The following ROR1 variants were observed in gnomAD, a reference collection of about 807,000 sequenced individuals.
ROR1 encodes inactive tyrosine-protein kinase transmembrane receptor ROR1.
In ROR1, 19 loss-of-function variants were observed where a neutral mutation model predicts 78.8. That is an observed-to-expected ratio of 0.24 (90% CI 0.17 to 0.35). The LOEUF is 0.35. Ranked by LOEUF, ROR1 falls within the 10% of genes least tolerant of loss-of-function variation. The probability of loss-of-function intolerance (pLI) is 1.00; values close to 1 mark genes in which losing one functional copy is unlikely to be tolerated. For missense variants in ROR1, 917 were observed against 1,177.8 expected (o/e 0.78, Z 3.24); for synonymous variants, 386 against 433.6 (o/e 0.89, Z 1.36).
chr1:63,915,162 A>G (rs1645599587), intron 1 of ROR1, among the ~76,000 whole-genome samples: 1 of 152,222 alleles, frequency 6.6e-6, no homozygotes, highest in Non-Finnish European at 1.5e-5. Flanking sequence ...CCATGGTCAC[A>G]TTAAATAGTA....
intron 1 of ROR1, among the ~76,000 whole-genome samples, chr1:63,829,414 C>T (rs1006766335): frequency 2.7e-4 from 41 of 152,178 alleles, no homozygotes; most frequent in Admixed American, 7.2e-4. Context: ...GAATGTGCAG[C>T]GTGCTATGGG....
chr1:63,959,110 A>G (rs1646006890), intron 1 of ROR1, among the ~76,000 whole-genome samples: 1 of 152,214 alleles, frequency 6.6e-6, no homozygotes, highest in African/African-American at 2.4e-5. Flanking sequence ...GAAACTTACA[A>G]TCATGACTGA....
chr1:63,826,278 G>T (rs553572139), intron 1 of ROR1, among the ~76,000 whole-genome samples: 3 of 152,022 alleles, frequency 2.0e-5, no homozygotes, highest in South Asian at 2.1e-4. Context: ...CTAGTGTGTT[G>T]TTCCCCTCTA....
In ROR1 at chr1:64,044,524, G is replaced by A. The variant is rs142227054; in HGVS notation, c.164-5167G>A. Reference sequence around the variant, plus strand: ...TGCACTTAAGAATATCTTCCATGGAGCAGTAAAAATTATTAATTGTATTAA... The same window carrying A: ...TGCACTTAAGAATATCTTCCATGGAACAGTAAAAATTATTAATTGTATTAA... On this transcript the variant is annotated intron_variant, in intron 2 of 8. Coordinates refer to ENST00000371079, the MANE Select transcript of ROR1 (RefSeq NM_005012.4). 5.5e-3 allele frequency among the ~76,000 whole-genome samples: 841 copies of A among 152,204 alleles called. 5 individuals are homozygous for A. The highest frequency in any genetic ancestry group is 0.02 in the African/African-American group (812 of 41,524).
intron 1 of ROR1, among the ~76,000 whole-genome samples, chr1:63,788,312 T>G (rs975033469): frequency 1.3e-5 from 2 of 152,208 alleles, no homozygotes; most frequent in African/African-American, 4.8e-5. Context: ...TCACCCATTA[T>G]CCTACCATTC....
At chr1:63,913,664 T>C (rs1416766511) in intron 1 of ROR1, among the ~76,000 whole-genome samples, 1 of 152,194 alleles carries the variant, frequency 6.6e-6, no homozygotes, top group Non-Finnish European at 1.5e-5. Context: ...TTTTCTTAGC[T>C]GCGCTCAGTG....
chr1:63,911,783 C>T (rs1458248674), intron 1 of ROR1, among the ~76,000 whole-genome samples: 2 of 152,102 alleles, frequency 1.3e-5, no homozygotes, highest in East Asian at 1.9e-4. Flanking sequence ...AAAGTTTAAG[C>T]CACAAAGCAT....
At chr1:63,896,987 G>A (rs1193762408) in intron 1 of ROR1, among the ~76,000 whole-genome samples, 4 of 152,152 alleles carry the variant, frequency 2.6e-5, no homozygotes, top group Non-Finnish European at 5.9e-5. Context: ...TAATAGGTAT[G>A]GGAATGCTTT....
At chr1:63,952,145 T>C (rs1193925668) in intron 1 of ROR1, among the ~76,000 whole-genome samples, 1 of 152,056 alleles carries the variant, frequency 6.6e-6, no homozygotes, top group East Asian at 1.9e-4. Flanking sequence ...TGTAGCTGTT[T>C]TGTAAGGGAT....
chr1:63,776,589 T>C (rs754408384), intron 1 of ROR1, among the ~76,000 whole-genome samples: 7 of 152,190 alleles, frequency 4.6e-5, no homozygotes, highest in Admixed American at 2.0e-4. Flanking sequence ...CATAACCAGT[T>C]ATGTCAGGGG....
chr1:63,778,631 A>G (rs947826573), intron 1 of ROR1, among the ~76,000 whole-genome samples: 24 of 152,360 alleles, frequency 1.6e-4, no homozygotes, highest in African/African-American at 5.8e-4. Context: ...TGCAATTTGT[A>G]CAGTTTATTT....
intron 1 of ROR1, among the ~76,000 whole-genome samples, chr1:63,805,263 T>A (rs1321683565): frequency 6.6e-6 from 1 of 152,180 alleles, no homozygotes; most frequent in East Asian, 1.9e-4. Context: ...GGGACAGGCT[T>A]GGCCGTGGGT....
intron 1 of ROR1, among the ~76,000 whole-genome samples, chr1:63,845,519 T>C (rs1203584606): frequency 6.6e-6 from 1 of 152,194 alleles, no homozygotes; most frequent in Non-Finnish European, 1.5e-5. Context: ...GAGGTCATCT[T>C]TTATCACTCA....
intron 4 of ROR1, among the ~76,000 whole-genome samples, chr1:64,127,568 G>C (rs1470657665): frequency 1.3e-5 from 2 of 151,550 alleles, no homozygotes; most frequent in Non-Finnish European, 2.9e-5. Flanking sequence ...GTGTGTGTCT[G>C]TCTCTTTCTC....
intron 1 of ROR1, among the ~76,000 whole-genome samples, chr1:63,873,814 T>A (rs1645266820): frequency 6.6e-6 from 1 of 152,170 alleles, no homozygotes; most frequent in South Asian, 2.1e-4. Context: ...CAGTAGTCCA[T>A]GGGAAGGATT....
chr1:63,941,710 G>GGC (rs1290089400), intron 1 of ROR1, among the ~76,000 whole-genome samples: 1 of 152,128 alleles, frequency 6.6e-6, no homozygotes, highest in Admixed American at 6.5e-5. Context: ...ATACCTCCAG[G>GGC]GCTTTGTATG....
At chr1:64,161,519 C>T (rs370432729) in intron 8 of ROR1, among the ~76,000 whole-genome samples, 4 of 152,212 alleles carry the variant, frequency 2.6e-5, no homozygotes, top group East Asian at 3.9e-4. Context: ...TAGCCCTAGC[C>T]CTGCCAGGGA....
At chr1:64,007,423 G>A (rs1646437640) in intron 1 of ROR1, among the ~76,000 whole-genome samples, 1 of 149,756 alleles carries the variant, frequency 6.7e-6, no homozygotes, top group African/African-American at 2.4e-5. Context: ...CATAGCCTGA[G>A]GGGAGGTTAG....
chr1:63,799,865 A>G (rs911035850), intron 1 of ROR1, among the ~76,000 whole-genome samples: 7 of 152,246 alleles, frequency 4.6e-5, no homozygotes, highest in Non-Finnish European at 1.0e-4. Context: ...TTTTTATGGC[A>G]GACGAGGGAG....
Sources: allele counts gnomAD v4.1 joint callset (sites outside exome capture counted in the v4.1 genomes callset), GRCh38; gene constraint gnomAD v4.1.1; transcripts MANE v1.5; gene names NCBI Gene and HGNC (gene_info 2026-07-23, HGNC 2026-07-21).